ERGIC1: variants seen among roughly 807,000 people sequenced by gnomAD.
The protein encoded by ERGIC1 is endoplasmic reticulum-golgi intermediate compartment 1.
ERGIC1 carries 19 observed loss-of-function variants against 38.3 expected under a neutral mutation model. The ratio of observed to expected loss-of-function variants is 0.50; its 90% confidence interval spans 0.35 to 0.73. The LOEUF (loss-of-function observed/expected upper bound fraction) is 0.73, where lower values mean the gene tolerates loss of function less well. ERGIC1 is among the 30% of genes least tolerant of loss of function. The pLI is 0.01. For synonymous variants in ERGIC1, 124 were observed against 157.6 expected, an observed-to-expected ratio of 0.79 and a Z score of 1.60; for missense variants, 294 against 389.2, an observed-to-expected ratio of 0.76 and a Z score of 2.06.
chr5:172,856,650 A>G (rs1761556278), intron 1 of ERGIC1, among the ~76,000 whole-genome samples: 1 of 152,150 alleles, frequency 6.6e-6, no homozygotes, highest in Non-Finnish European at 1.5e-5. Context: ...GATCAAGTGA[A>G]TGTAAAAGCT....
intron 3 of ERGIC1, chr5:172,906,108 C>T (rs991235421): frequency 2.2e-6 from 1 of 456,108 alleles, no homozygotes; most frequent in African/African-American, 2.0e-5. Context: ...TCCTGTTTGC[C>T]TCTCTCCCTC....
At chr5:172,915,690 G>A (rs148369041) in intron 5 of ERGIC1, 1 of 468,090 alleles carries the variant, frequency 2.1e-6, no homozygotes, top group Non-Finnish European at 4.4e-6. Context: ...CCATTTGACA[G>A]GTTAGGATGC....
At chr5:172,850,949 C>A (rs189472152) in intron 1 of ERGIC1, among the ~76,000 whole-genome samples, 168 of 152,198 alleles carry the variant, frequency 1.1e-3, no homozygotes, top group African/African-American at 3.9e-3. Context: ...CTTGTAATCC[C>A]AGCACTTTGG....
In ERGIC1 at chr5:172,909,757, C is replaced by G; in HGVS notation, c.246C>G (p.Cys82Trp). ...SLNISLPNLH[C>W]ELVGLDIQDE... ...ACATCAGTTTACCCAATCTGCACTG[C>G]GAGTGTGAGTACTCCACGCAGCCCC... Residue 82 changes from cysteine to tryptophan, a missense_variant, in exon 4 of 10, where the codon TGC becomes TGG. By Grantham distance (215) the Cys-to-Trp change is radical (BLOSUM62 -2). Around this residue, in one of 3 missense-constraint regions of ERGIC1, gnomAD observed 163 missense variants for 225.8 expected, o/e 0.72. Coordinates refer to ENST00000393784, the MANE Select transcript of ERGIC1 (RefSeq NM_001031711.3). 6.2e-7 allele frequency: 1 copy of G among 1,613,908 alleles called. No individual in the cohort carries two copies. The highest frequency in any genetic ancestry group is 8.5e-7 in the Non-Finnish European group (1 of 1,179,790).
At chr5:172,864,122 G>A (rs1040838279) in intron 1 of ERGIC1, among the ~76,000 whole-genome samples, 1 of 151,806 alleles carries the variant, frequency 6.6e-6, no homozygotes, top group African/African-American at 2.4e-5. Flanking sequence ...GCTTGAACCC[G>A]GGAGGTGGAG....
chr5:172,913,147 G>T (rs1384413702), intron 4 of ERGIC1, among the ~76,000 whole-genome samples: 2 of 152,332 alleles, frequency 1.3e-5, no homozygotes, highest in East Asian at 3.9e-4. Flanking sequence ...TAACCTGCTC[G>T]AGGTCTCAGC....
chr5:172,927,218 A>G (rs1459099726), intron 7 of ERGIC1: 1 of 152,480 alleles, frequency 6.6e-6, no homozygotes, highest in Non-Finnish European at 1.5e-5. Flanking sequence ...TGTGTGCTCA[A>G]GCAGACCTGC....
At chr5:172,881,637 G>A (rs1409683454) in intron 1 of ERGIC1, among the ~76,000 whole-genome samples, 1 of 152,162 alleles carries the variant, frequency 6.6e-6, no homozygotes, top group Non-Finnish European at 1.5e-5. Context: ...ACCCAAATGG[G>A]CCTGATTTGT....
At chr5:172,898,491 C>T (rs895024179) in intron 3 of ERGIC1, 6 of 152,222 alleles carry the variant, frequency 3.9e-5, no homozygotes, top group African/African-American at 1.4e-4. Flanking sequence ...TTCAGCCCTC[C>T]CCTGGCATGG....
chr5:172,895,679 T>G (rs987928483), intron 2 of ERGIC1, among the ~76,000 whole-genome samples: 2 of 151,218 alleles, frequency 1.3e-5, no homozygotes, highest in African/African-American at 4.9e-5. Flanking sequence ...CCTCTGGGAG[T>G]AGGGGAAGCT....
chr5:172,916,417 A>G (rs958816536), intron 5 of ERGIC1: 1 of 152,200 alleles, frequency 6.6e-6, no homozygotes, highest in Non-Finnish European at 1.5e-5. Flanking sequence ...GGTGGTTGTG[A>G]TGGAAAGCCA....
At position 172,951,455 on chromosome 5, in the gene ERGIC1, T is replaced by C. The variant is rs1221824405; in HGVS notation, c.*639T>C. On this transcript the variant is annotated 3_prime_UTR_variant, in exon 10 of 10. Transcript: ENST00000393784. ...AGTCTTTACCCCACCCCTTTCTTGT[T>C]CTTCCAAGAAGCAGATGCCCAGTTG... 1 of 152,350 alleles carries C rather than the reference T, an allele frequency of 6.6e-6. No individual in the cohort carries two copies. Among genetic ancestry groups the C allele is most frequent in the Non-Finnish European group, 1.5e-5 (1 of 68,160 alleles). The allele number at this position is 152,350 out of a possible 1,614,324, so 9.4% of individuals were successfully genotyped here.
chr5:172,920,264 G>A lies in ERGIC1; in HGVS notation c.376-3741G>A. Reference sequence around the variant, plus strand: ...AAGAGGTGCTCAAAGAAGCCACCAGGGTCCATGTGCTGTGATGGCAAGGTC... The same window carrying A: ...AAGAGGTGCTCAAAGAAGCCACCAGAGTCCATGTGCTGTGATGGCAAGGTC... On this transcript the variant is annotated intron_variant, in intron 5 of 9. Coordinates refer to ENST00000393784, the MANE Select transcript of ERGIC1 (RefSeq NM_001031711.3). 8 of 712,922 alleles carry A rather than the reference G, an allele frequency of 1.1e-5. 1 individual carries two copies. In the Middle Eastern group the frequency reaches 1.8e-3, roughly 164 times the overall value. The allele number at this position is 712,922 out of a possible 1,614,324, so 44.2% of individuals were successfully genotyped here.
chr5:172,852,027 G>A (rs1296213681), intron 1 of ERGIC1, among the ~76,000 whole-genome samples: 2 of 152,124 alleles, frequency 1.3e-5, no homozygotes, highest in Non-Finnish European at 2.9e-5. Context: ...ATCCCAGGCA[G>A]GGACTCTGAC....
intron 1 of ERGIC1, among the ~76,000 whole-genome samples, chr5:172,862,095 G>C: frequency 6.6e-6 from 1 of 151,398 alleles, no homozygotes. Flanking sequence ...GGGTTCAAGC[G>C]ATTCTCCTGC....
In ERGIC1 at chr5:172,924,054, A is replaced by G. The variant is rs763635234; in HGVS notation, c.425A>G (p.Gln142Arg). Residue 142 changes from glutamine to arginine, a missense_variant, in exon 6 of 10, where the codon CAG becomes CGG. Gln to Arg is a conservative substitution (Grantham distance 43, BLOSUM62 1). Transcript: ENST00000393784. ...VSTHSATAQP[Q>R]NPDMTHVIHK... ...ACACACAGTGCCACAGCCCAGCCAC[A>G]GAACCCAGACATGACGCATGTCATC... 9 of 1,614,224 alleles carry G rather than the reference A, an allele frequency of 5.6e-6. No homozygotes were observed. In the Admixed American group the frequency reaches 1.2e-4, roughly 21 times the overall value.
chr5:172,907,143 G>A (rs904055510), intron 3 of ERGIC1, among the ~76,000 whole-genome samples: 32 of 152,208 alleles, frequency 2.1e-4, no homozygotes, highest in Admixed American at 1.0e-3. Context: ...CATCCAAGGC[G>A]CCGCCATCCC....
chr5:172,866,325 C>T (rs748288753), intron 1 of ERGIC1, among the ~76,000 whole-genome samples: 3 of 152,108 alleles, frequency 2.0e-5, no homozygotes, highest in African/African-American at 7.2e-5. Flanking sequence ...CTGGTGGGGG[C>T]CCCTGCCGCT....
chr5:172,920,232 GC>G (rs1763476309), intron 5 of ERGIC1: 1 of 689,436 alleles, frequency 1.5e-6, no homozygotes, highest in African/African-American at 1.8e-5. Context: ...TTGAGGAACC[GC>G]CCATCAAGAG....
Sources: allele counts gnomAD v4.1 joint callset (sites outside exome capture counted in the v4.1 genomes callset), GRCh38; gene constraint gnomAD v4.1.1; regional missense constraint gnomAD v4.1.1; transcripts MANE v1.5; gene names NCBI Gene and HGNC (gene_info 2026-07-23, HGNC 2026-07-21).